TLN2: variants seen among roughly 807,000 people sequenced by gnomAD.
TLN2 encodes the protein talin 2, also known as talin-2.
A neutral mutation model predicts 294.7 loss-of-function variants in TLN2; 118 were observed. That is an observed-to-expected ratio of 0.40 (90% CI 0.34 to 0.47). The LOEUF is 0.47. Ranked by LOEUF, TLN2 falls within the 20% of genes least tolerant of loss-of-function variation. The pLI, the probability that TLN2 is intolerant of heterozygous loss-of-function variation, is 0.84. For synonymous variants in TLN2, 1,431 were observed against 1,304.5 expected (o/e 1.10, Z -2.09); for missense variants, 3,083 against 3,282.2 (o/e 0.94, Z 1.48).
chr15:62,821,858 A>C (rs1356864679), intron 54 of TLN2, among the ~76,000 whole-genome samples: 1 of 152,192 alleles, frequency 6.6e-6, no homozygotes, highest in Admixed American at 6.5e-5. Context: ...AGTCAAGTTA[A>C]TCGTGAATGA....
chr15:62,798,368 A>G (rs533930242), intron 48 of TLN2, among the ~76,000 whole-genome samples: 1 of 152,238 alleles, frequency 6.6e-6, no homozygotes, highest in East Asian at 1.9e-4. Flanking sequence ...ATTGCTCCTC[A>G]AGGACAGTCA....
At chr15:62,833,190 T>C (rs1596186428) in intron 54 of TLN2, 1 of 228,672 alleles carries the variant, frequency 4.4e-6, no homozygotes, top group East Asian at 1.0e-4. Flanking sequence ...TTGTGTTATA[T>C]ATATTGTACC....
intron 2 of TLN2, among the ~76,000 whole-genome samples, chr15:62,609,722 C>T (rs932037310): frequency 2.6e-5 from 4 of 152,162 alleles, no homozygotes; most frequent in Non-Finnish European, 5.9e-5. Context: ...CCTCACTTGA[C>T]GGAGGTTTGA....
At chr15:62,755,467 G>A (rs779003513) in intron 36 of TLN2, 65 bp from the exon 37 acceptor site, 29 of 1,547,892 alleles carry the variant, frequency 1.9e-5, no homozygotes, top group Non-Finnish European at 2.4e-5. Flanking sequence ...CCAGGGCTGA[G>A]GACCGGGGTG....
rs1481939127 is a variant in TLN2 at position 62,466,177 on chromosome 15, C to G, written c.-238+75492C>G. ...TGAATAATTAATGGTTGAACTCAGT[C>G]TAGGGGTTGCAAAACCTCCGAAACA... On this transcript the variant is annotated intron_variant, in intron 1 of 58. Transcript: ENST00000636159. Among the ~76,000 whole-genome samples the G allele has an allele frequency of 3.3e-5, 5 of 152,316 alleles. No individual in the cohort carries two copies. The South Asian group carries it at 8.3e-4, about 25-fold the overall frequency.
intron 3 of TLN2, among the ~76,000 whole-genome samples, chr15:62,643,877 G>A (rs2051478281): frequency 6.6e-6 from 1 of 152,130 alleles, no homozygotes; most frequent in African/African-American, 2.4e-5. Flanking sequence ...TAGAGATTAT[G>A]TATGGTGAGG....
chr15:62,837,775 T>G (rs1480303633), intron 57 of TLN2, among the ~76,000 whole-genome samples: 1 of 152,234 alleles, frequency 6.6e-6, no homozygotes, highest in East Asian at 1.9e-4. Flanking sequence ...TGGTGATTAC[T>G]TGTCAAATAT....
At chr15:62,570,016 C>G (rs1335543401) in intron 1 of TLN2, among the ~76,000 whole-genome samples, 1 of 152,154 alleles carries the variant, frequency 6.6e-6, no homozygotes, top group African/African-American at 2.4e-5. Context: ...TGTCCTCTCT[C>G]TTCCTTCTTC....
At chr15:62,817,862 AG>A (rs2067241497) in intron 52 of TLN2, among the ~76,000 whole-genome samples, 1 of 131,518 alleles carries the variant, frequency 7.6e-6, no homozygotes, top group Non-Finnish European at 1.5e-5. Context: ...TCTGTGGTCC[AG>A]GCTGGAGTGC....
chr15:62,771,154 G>T lies in TLN2; in HGVS notation c.5367+20G>T, dbSNP rs1476814207. Reference sequence around the variant, plus strand: ...CCCAAGGTATGGTCCAGGATATCGGGGACTCACTTAGGACCACTAAGAAGC... The same window carrying T: ...CCCAAGGTATGGTCCAGGATATCGGTGACTCACTTAGGACCACTAAGAAGC... On this transcript the variant is annotated intron_variant, in intron 42 of 58. Coordinates refer to ENST00000636159, the MANE Select transcript of TLN2 (RefSeq NM_015059.3). 6.3e-7 allele frequency: 1 copy of T among 1,590,416 alleles called. No individual in the cohort carries two copies. Among genetic ancestry groups the T allele is most frequent in the Non-Finnish European group, 8.6e-7 (1 of 1,165,254 alleles).
intron 1 of TLN2, among the ~76,000 whole-genome samples, chr15:62,515,115 TA>T (rs1280363370): frequency 6.6e-5 from 10 of 152,226 alleles, no homozygotes; most frequent in Admixed American, 5.9e-4. Context: ...CTAAGATTTT[TA>T]TTATTTCTGT....
chr15:62,595,669 A>G (rs1283056019), intron 2 of TLN2, among the ~76,000 whole-genome samples: 1 of 152,244 alleles, frequency 6.6e-6, no homozygotes, highest in Non-Finnish European at 1.5e-5. Flanking sequence ...ATAAGTGTCC[A>G]TCATTGGATG....
rs2062683101 is a variant in TLN2, at chr15:62,761,691, G to C, written c.4649G>C (p.Gly1550Ala). Reference protein sequence around the residue: ...NLVKTIKALDGDFSEDNRNKC... With the variant: ...NLVKTIKALDADFSEDNRNKC... The stretch of plus-strand genomic sequence containing the variant: ...GTTTTCTCCCATCAGGCCCTGGATG[G>C]GGATTTCTCTGAAGACAACCGCAAT... Residue 1550 changes from glycine to alanine, a missense_variant, in exon 38 of 59, where the codon GGG (glycine) becomes GCG (alanine). Physicochemically the swap from Gly to Ala is moderately conservative, Grantham distance 60. Coordinates refer to ENST00000636159, the MANE Select transcript of TLN2 (RefSeq NM_015059.3). 1.2e-6 allele frequency: 2 copies of C among 1,614,120 alleles called. No individual in the cohort carries two copies. The highest frequency in any genetic ancestry group is 2.2e-5 in the East Asian group (1 of 44,880).
Position 62,651,985 on chromosome 15 carries a change from G to A in TLN2, c.235-20G>A, listed in dbSNP as rs1442092841. ...ATTTTCCCCACACAGTGTGAAATTT[G>A]TATGTGGTTTGTGCTCTAGGATATT... On this transcript the variant is annotated intron_variant, in intron 5 of 58. Coordinates refer to ENST00000636159, the MANE Select transcript of TLN2 (RefSeq NM_015059.3). The A allele has an allele frequency of 2.6e-6, 4 of 1,566,306 alleles. No individual in the cohort carries two copies. Among genetic ancestry groups the A allele is most frequent in the East Asian group, 4.5e-5 (2 of 44,488 alleles).
chr15:62,499,026 A>G (rs569248623), intron 1 of TLN2, among the ~76,000 whole-genome samples: 1 of 152,356 alleles, frequency 6.6e-6, no homozygotes, highest in Admixed American at 6.5e-5. Flanking sequence ...TCTTAATGAC[A>G]GAATCAAAGA....
chr15:62,807,790 A>G (rs2066396719), intron 51 of TLN2, among the ~76,000 whole-genome samples: 1 of 152,140 alleles, frequency 6.6e-6, no homozygotes, highest in South Asian at 2.1e-4. Context: ...TAAAGCCTGA[A>G]TGTCAGCTTC....
chr15:62,713,731 A>C (rs745973010), intron 22 of TLN2, among the ~76,000 whole-genome samples: 36 of 151,946 alleles, frequency 2.4e-4, no homozygotes, highest in Non-Finnish European at 4.0e-4. Context: ...ACCTCTCCTC[A>C]CTCAACTGTC....
intron 1 of TLN2, among the ~76,000 whole-genome samples, chr15:62,569,071 G>A (rs190305816): frequency 3.9e-5 from 6 of 152,196 alleles, no homozygotes; most frequent in Admixed American, 3.3e-4. Context: ...TGCCTTCCTC[G>A]TCTTGTGTCT....
At chr15:62,424,952 C>CTTT (rs529075856) in intron 1 of TLN2, among the ~76,000 whole-genome samples, 6 of 129,254 alleles carry the variant, frequency 4.6e-5, no homozygotes, top group African/African-American at 1.5e-4. Flanking sequence ...CGTGCCTGGC[C>CTTT]TTTTTTTTTT....
Sources: allele counts gnomAD v4.1 joint callset (sites outside exome capture counted in the v4.1 genomes callset), GRCh38; gene constraint gnomAD v4.1.1; transcripts MANE v1.5; gene names NCBI Gene and HGNC (gene_info 2026-07-23, HGNC 2026-07-21).